The following MAP4 variants were observed in gnomAD, a reference collection of about 807,000 sequenced individuals.
The protein encoded by MAP4 is microtubule-associated protein 4.
A neutral mutation model predicts 170.2 loss-of-function variants in MAP4; 76 were observed. The observed-to-expected ratio is 0.45, with a 90% CI of 0.37 to 0.54. MAP4 has a LOEUF of 0.54. Ranked by LOEUF, MAP4 falls within the 20% of genes least tolerant of loss-of-function variation. MAP4 has a pLI of 0.00. For synonymous variants in MAP4, 909 were observed against 994.5 expected (o/e 0.91, Z 1.62); for missense variants, 2,506 against 2,748.0 (o/e 0.91, Z 1.97).
intron 3 of MAP4, among the ~76,000 whole-genome samples, chr3:47,938,300 G>A (rs2100054218): frequency 6.6e-6 from 1 of 152,014 alleles, no homozygotes; most frequent in South Asian, 2.1e-4. Context: ...CCTGGGAGGT[G>A]GAGGTTGCAG....
chr3:47,865,787 T>A (rs1224776596), intron 17 of MAP4, among the ~76,000 whole-genome samples: 1 of 152,212 alleles, frequency 6.6e-6, no homozygotes, highest in Non-Finnish European at 1.5e-5. Context: ...GGGCTGTACA[T>A]GGCGGCTTCT....
At chr3:47,998,397 A>C (rs1257750316) in intron 2 of MAP4, among the ~76,000 whole-genome samples, 1 of 152,212 alleles carries the variant, frequency 6.6e-6, no homozygotes, top group African/African-American at 2.4e-5. Flanking sequence ...ATTAAGAAGA[A>C]GATTATATGG....
At chr3:47,894,600 G>T (rs201802153) in intron 10 of MAP4, among the ~76,000 whole-genome samples, 3 of 151,562 alleles carry the variant, frequency 2.0e-5, no homozygotes, top group African/African-American at 7.3e-5. Context: ...AAAAAAAAAA[G>T]AAAAAATATG....
At chr3:47,875,249 G>T (rs1260131024) in intron 12 of MAP4, among the ~76,000 whole-genome samples, 5 of 152,164 alleles carry the variant, frequency 3.3e-5, no homozygotes, top group Non-Finnish European at 2.9e-5. Context: ...TTTGATGTGG[G>T]AATTATACCA....
Position 47,912,083 on chromosome 3 carries a change from A to G in MAP4, c.2338T>C (p.Tyr780His). ...KKKKKPKQKR[Y>H]SQPRAGGPSD... is the part of the protein sequence containing the mutation. ...GGTCCTCCAGCCCGTGGTTGAGAATATCTCTTTTGCTTTGGTTTCTTCTTC... is the reference window on the plus strand; with the variant it reads ...GGTCCTCCAGCCCGTGGTTGAGAATGTCTCTTTTGCTTTGGTTTCTTCTTC... The change falls in exon 9 of 21, where the codon TAT becomes CAT. Residue 780 changes from tyrosine (Y) to histidine (H), a missense_variant. By Grantham distance (83) the Tyr-to-His change is moderately conservative. This residue lies in a region of MAP4 where 2,008 missense variants were observed against 2,206.0 expected (regional missense o/e 0.91). Transcript: ENST00000683076. 1.3e-6 allele frequency: 2 copies of G among 1,536,166 alleles called. No individual in the cohort carries two copies. The highest frequency in any genetic ancestry group is 1.7e-6 in the Non-Finnish European group (2 of 1,146,928).
chr3:47,960,385 CCT>C (rs2154166692), intron 3 of MAP4: 1 of 241,406 alleles, frequency 4.1e-6, no homozygotes, highest in African/African-American at 2.3e-5. Flanking sequence ...CCTAAAGTAC[CCT>C]CTGTCTTCCT....
chr3:47,979,703 C>T (rs746835929), intron 2 of MAP4, among the ~76,000 whole-genome samples: 3 of 152,136 alleles, frequency 2.0e-5, no homozygotes, highest in Non-Finnish European at 4.4e-5. Flanking sequence ...TCAGGTGATC[C>T]GCCTGCTTCG....
intron 1 of MAP4, among the ~76,000 whole-genome samples, chr3:48,065,582 A>C (rs2100137932): frequency 6.6e-6 from 1 of 152,226 alleles, no homozygotes; most frequent in South Asian, 2.1e-4. Flanking sequence ...TCCCTAGCGG[A>C]CTATATAGAA....
At position 47,911,361 on chromosome 3, in the gene MAP4, A is replaced by G; in HGVS notation, c.3060T>C (p.Ala1020=). 6.5e-7 allele frequency: 1 copy of G among 1,535,938 alleles called. No individual in the cohort carries two copies. The highest frequency in any genetic ancestry group is 1.7e-4 in the Middle Eastern group (1 of 5,990). ...AEEDKELKKE[A]FPNERQEISI... ...TGATCTCTTGTCTTTCGTTGGGAAAAGCTTCCTTTTTTAGTTCTTTATCCT... is the reference window on the plus strand; with the variant it reads ...TGATCTCTTGTCTTTCGTTGGGAAAGGCTTCCTTTTTTAGTTCTTTATCCT... The change falls in exon 9 of 21, where the codon GCT becomes GCC. Residue 1020 remains alanine, a synonymous_variant. Coordinates refer to ENST00000683076, the MANE Select transcript of MAP4 (RefSeq NM_001385682.1). This position sits in a 1 kb window ranked among gnomAD's most constrained non-coding sequence, Gnocchi z 4.0.
chr3:47,935,076 G>C (rs2100051955), intron 3 of MAP4, among the ~76,000 whole-genome samples: 1 of 152,194 alleles, frequency 6.6e-6, no homozygotes, highest in African/African-American at 2.4e-5. Flanking sequence ...GAAGTGCTTA[G>C]AAAATTATGA....
chr3:47,921,540 T>C (rs974782357), intron 5 of MAP4, among the ~76,000 whole-genome samples: 7 of 152,208 alleles, frequency 4.6e-5, no homozygotes, highest in Middle Eastern at 3.2e-3. Flanking sequence ...AAATTTGTCA[T>C]TCTTTATTGA....
At chr3:47,996,297 G>C (rs2100095558) in intron 2 of MAP4, among the ~76,000 whole-genome samples, 1 of 152,132 alleles carries the variant, frequency 6.6e-6, no homozygotes, top group Non-Finnish European at 1.5e-5. Flanking sequence ...CCAATACCAT[G>C]AGAAGACGCT....
At chr3:47,853,437 G>GC in intron 19 of MAP4, 85 bp from the exon 20 acceptor site, 2 of 963,456 alleles carry the variant, frequency 2.1e-6, no homozygotes, top group Non-Finnish European at 3.0e-6. Flanking sequence ...TTCACACACA[G>GC]CCCCCACCCT....
At chr3:47,918,653 T>A in intron 6 of MAP4, 66 bp downstream of exon 6, 2 of 1,285,780 alleles carry the variant, frequency 1.6e-6, no homozygotes, top group Non-Finnish European at 2.2e-6. Context: ...AAAATACACC[T>A]GATGATTTAT....
chr3:48,018,542 T>C (rs2100108940), upstream of MAP4, among the ~76,000 whole-genome samples: 2 of 152,150 alleles, frequency 1.3e-5, no homozygotes, highest in Admixed American at 1.3e-4. Flanking sequence ...CTCATGCTTG[T>C]AATCCCAGCA....
At chr3:47,997,032 A>T (rs2100096128) in intron 2 of MAP4, among the ~76,000 whole-genome samples, 1 of 152,114 alleles carries the variant, frequency 6.6e-6, no homozygotes, top group Non-Finnish European at 1.5e-5. Context: ...AGATCAGGGA[A>T]TTGGAAGATA....
chr3:48,067,285 A>T (rs79692835), intron 1 of MAP4, among the ~76,000 whole-genome samples: 2 of 152,058 alleles, frequency 1.3e-5, no homozygotes, highest in African/African-American at 2.4e-5. Flanking sequence ...GGAAAAAAAA[A>T]CCTCAACACA....
chr3:48,022,896 G>A (rs946587139), intron 1 of MAP4, among the ~76,000 whole-genome samples: 1 of 76,318 alleles, frequency 1.3e-5, no homozygotes, highest in Non-Finnish European at 2.8e-5. Context: ...ATCTCAGGGG[G>A]GAAAAAAAAA....
At chr3:48,051,643 A>C (rs7627645) in intron 1 of MAP4, among the ~76,000 whole-genome samples, 1 of 151,954 alleles carries the variant, frequency 6.6e-6, no homozygotes, top group Admixed American at 6.6e-5. Context: ...TCCATCAATT[A>C]TGAAATAACT....
Sources: allele counts gnomAD v4.1 joint callset (sites outside exome capture counted in the v4.1 genomes callset), GRCh38; gene constraint gnomAD v4.1.1; regional missense constraint gnomAD v4.1.1; non-coding constraint Gnocchi (gnomAD v3.1); transcripts MANE v1.5; gene names NCBI Gene and HGNC (gene_info 2026-07-23, HGNC 2026-07-21).